Variants in TEX101 observed in about 807,000 individuals in gnomAD.
TEX101 encodes testis-expressed protein 101.
In TEX101, 10 loss-of-function variants were observed where a neutral mutation model predicts 18.1. That is an observed-to-expected ratio of 0.55 (90% CI 0.34 to 0.94). The LOEUF is 0.94. TEX101 is among the 40% of genes least tolerant of loss of function. TEX101 has a pLI of 0.02. For missense variants in TEX101, 259 were observed against 298.9 expected (o/e 0.87, Z 0.98); for synonymous variants, 94 against 114.8 (o/e 0.82, Z 1.16).
At chr19:43,404,950 C>A (rs918522405) in intron 2 of TEX101, among the ~76,000 whole-genome samples, 11 of 151,762 alleles carry the variant, frequency 7.2e-5, no homozygotes, top group Non-Finnish European at 1.3e-4. Flanking sequence ...GAGAACTGAT[C>A]ACAGATAGAA....
At chr19:43,393,304 G>A in the TEX101 span, among the ~76,000 whole-genome samples, 1 of 152,166 alleles carries the variant, frequency 6.6e-6, no homozygotes, top group Non-Finnish European at 1.5e-5. Context: ...GCGACCCAAT[G>A]CCCAGTGCCC....
chr19:43,406,352 C>G, exon 3 of TEX101: 1 of 634,016 alleles, frequency 1.6e-6, no homozygotes, highest in Non-Finnish European at 2.9e-6. Flanking sequence ...GCTATTCCCA[C>G]CGTCCCTACA....
chr19:43,415,182 A>G lies in TEX101; in HGVS notation c.-40+144A>G, dbSNP rs1171678302. 3.1e-5 allele frequency: 13 copies of G among 423,176 alleles called. 1 individual carries two copies. The highest frequency in any genetic ancestry group is 3.8e-5 in the Non-Finnish European group (12 of 318,672). The allele number at this position is 423,176 out of a possible 1,614,324, so 26.2% of individuals were successfully genotyped here. ...GGAACCCAGACTCCTCGATCCCTAC[A>G]TAGGACGGGGCTGGGCTCTCAGAAT... On this transcript the variant is annotated intron_variant, in intron 1 of 5. Coordinates refer to ENST00000598265, the MANE Select transcript of TEX101 (RefSeq NM_001130011.3).
chr19:43,406,490 A>G (rs765747571), exon 3 of TEX101: 2 of 766,158 alleles, frequency 2.6e-6, no homozygotes, highest in South Asian at 1.4e-5. Flanking sequence ...TCCCGCCTCC[A>G]TCTTCAGTTC....
At chr19:43,402,655 A>G (rs1970327873) in intron 1 of TEX101, 1 of 151,188 alleles carries the variant, frequency 6.6e-6, no homozygotes, top group Non-Finnish European at 1.5e-5. Context: ...ATCTCGGTTC[A>G]CTGCAAGCTC....
the TEX101 span, among the ~76,000 whole-genome samples, chr19:43,389,234 A>G: frequency 6.6e-6 from 1 of 152,234 alleles, no homozygotes; most frequent in East Asian, 1.9e-4. Flanking sequence ...TGTCTTCCCA[A>G]GGAGGAAGCC....
At chr19:43,398,488 A>T (rs1312352155), upstream of TEX101, among the ~76,000 whole-genome samples, 2 of 151,718 alleles carry the variant, frequency 1.3e-5, no homozygotes, top group Non-Finnish European at 2.9e-5. Context: ...GTTGGCCAGG[A>T]TGGTCTCGAT....
chr19:43,418,001 C>T lies in TEX101; in HGVS notation c.515C>T (p.Thr172Ile), dbSNP rs1430370427. The T allele has an allele frequency of 6.2e-7, 1 of 1,614,174 alleles. No homozygotes were observed. Among genetic ancestry groups the T allele is most frequent in the Admixed American group, 1.7e-5 (1 of 60,010 alleles). Residue 172 changes from threonine to isoleucine, a missense_variant, in exon 5 of 6, where the codon ACT (threonine) becomes ATT (isoleucine). Transcript: ENST00000598265. ...TRCYQGKLEI[T>I]GGGIESSVEV... Reference sequence around the variant, plus strand: ...TGCTATCAAGGAAAACTTGAGATCACTGGAGGTAAACTGAAATGAACATCT... The same window carrying T: ...TGCTATCAAGGAAAACTTGAGATCATTGGAGGTAAACTGAAATGAACATCT...
upstream of TEX101, among the ~76,000 whole-genome samples, chr19:43,414,081 G>A (rs994286945): frequency 6.8e-6 from 1 of 148,080 alleles, no homozygotes; most frequent in Non-Finnish European, 1.5e-5. Context: ...CCAAGATTGT[G>A]CCATTGCACT....
In TEX101 at chr19:43,416,397, C is replaced by T. The variant is rs145466151; in HGVS notation, c.233C>T (p.Thr78Met). The change falls in exon 4 of 6, where the codon ACG (threonine) becomes ATG (methionine). Residue 78 changes from threonine to methionine, a missense_variant. Physicochemically the swap from Thr to Met is moderately conservative, Grantham distance 81. Transcript: ENST00000598265. ...KAGTETAILA[T>M]KGCIPEGEEA... ...GGGACTGAGACAGCCATTTTGGCCA[C>T]GAAGGGCTGCATCCCGGAAGGGGAG... 44 of 1,613,684 alleles carry T rather than the reference C, an allele frequency of 2.7e-5. 1 individual carries two copies. Among genetic ancestry groups the T allele is most frequent in the South Asian group, 1.4e-4 (13 of 91,062 alleles).
chr19:43,403,130 G>A, intron 2 of TEX101, among the ~76,000 whole-genome samples: 1 of 152,134 alleles, frequency 6.6e-6, no homozygotes, highest in East Asian at 1.9e-4. Context: ...CCCTCAGGTA[G>A]GATCTCACCA....
At chr19:43,392,828 C>T in the TEX101 span, among the ~76,000 whole-genome samples, 5 of 152,176 alleles carry the variant, frequency 3.3e-5, no homozygotes, top group Admixed American at 6.5e-5. Context: ...GAGGCTGAGA[C>T]GGGTGGATCA....
chr19:43,390,186 T>C, the TEX101 span, among the ~76,000 whole-genome samples: 10 of 152,136 alleles, frequency 6.6e-5, no homozygotes, highest in Non-Finnish European at 1.5e-4. Context: ...ATAGGTGTTG[T>C]ATTTAGATGG....
intron 1 of TEX101, among the ~76,000 whole-genome samples, chr19:43,415,474 C>A (rs1568458450): frequency 1.3e-5 from 2 of 152,092 alleles, no homozygotes; most frequent in Non-Finnish European, 2.9e-5. Flanking sequence ...ATAAACCCCA[C>A]TGTGAGGCCG....
upstream of TEX101, among the ~76,000 whole-genome samples, chr19:43,398,146 A>T (rs1242742757): frequency 2.4e-3 from 98 of 40,972 alleles, no homozygotes; most frequent in African/African-American, 8.0e-3. Flanking sequence ...TATAATATAT[A>T]AAAATATATA....
chr19:43,414,777 C>A, upstream of TEX101: 1 of 926,276 alleles, frequency 1.1e-6, no homozygotes. Context: ...TTCTCTGTGG[C>A]CAATGAGGTG....
At chr19:43,408,218 G>A (rs1210277348) in intron 3 of TEX101, among the ~76,000 whole-genome samples, 1 of 152,190 alleles carries the variant, frequency 6.6e-6, no homozygotes, top group East Asian at 1.9e-4. Context: ...ATGCGCTTCC[G>A]GGGGTGGAGA....
At chr19:43,409,623 A>G (rs200935822) in intron 3 of TEX101, among the ~76,000 whole-genome samples, 2 of 152,004 alleles carry the variant, frequency 1.3e-5, no homozygotes. Flanking sequence ...TAAAAAAAAA[A>G]AAAGAAAGAA....
chr19:43,415,716 C>A (rs929599917), intron 1 of TEX101, among the ~76,000 whole-genome samples, 165 bp from the exon 2 acceptor site: 1 of 151,366 alleles, frequency 6.6e-6, no homozygotes, highest in Admixed American at 6.6e-5. Flanking sequence ...GCCGAGATTG[C>A]GCCACTGCAC....
Sources: gnomAD v4.1 joint callset for allele counts (sites outside exome capture counted in the v4.1 genomes callset) on GRCh38, gnomAD v4.1.1 for gene constraint, MANE v1.5 for transcripts, NCBI Gene and HGNC (gene_info 2026-07-23, HGNC 2026-07-21) for gene names.